Variants in ABHD12 observed in about 807,000 individuals in gnomAD.
The protein encoded by ABHD12 is abhydrolase domain containing 12, lysophospholipase.
In ABHD12, 43 loss-of-function variants were observed where a neutral mutation model predicts 58.3. That is an observed-to-expected ratio of 0.74 (90% CI 0.58 to 0.95). The LOEUF is 0.95. Ranked by LOEUF, ABHD12 falls within the 40% of genes least tolerant of loss-of-function variation. The probability of loss-of-function intolerance (pLI) is 0.00; values close to 1 mark genes in which losing one functional copy is unlikely to be tolerated. For missense variants in ABHD12, 539 were observed against 537.2 expected (o/e 1.00, Z -0.03); for synonymous variants, 219 against 211.2 (o/e 1.04, Z -0.32).
chr20:25,327,250 C>T (rs965604056), intron 2 of ABHD12, among the ~76,000 whole-genome samples: 2 of 152,150 alleles, frequency 1.3e-5, no homozygotes, highest in Non-Finnish European at 2.9e-5. Context: ...GGGCAGATCA[C>T]GAGGTCAGGA....
chr20:25,361,626 A>G (rs2089749122), intron 1 of ABHD12, among the ~76,000 whole-genome samples: 1 of 152,238 alleles, frequency 6.6e-6, no homozygotes, highest in Non-Finnish European at 1.5e-5. Flanking sequence ...TATATAAGAA[A>G]GCTATCAGTT....
intron 5 of ABHD12, 21 bp downstream of exon 5, chr20:25,317,027 G>A (rs371100301): frequency 4.3e-6 from 7 of 1,611,294 alleles, no homozygotes; most frequent in Non-Finnish European, 5.9e-6. Context: ...GGGAACAGGT[G>A]TGGGTGCTGC....
chr20:25,377,125 T>C (rs2089971063), intron 1 of ABHD12, among the ~76,000 whole-genome samples: 1 of 152,190 alleles, frequency 6.6e-6, no homozygotes, highest in African/African-American at 2.4e-5. Flanking sequence ...CCAGCTGGCC[T>C]GTACTGGCCT....
chr20:25,328,051 C>T (rs2089205845), intron 2 of ABHD12, among the ~76,000 whole-genome samples: 1 of 151,978 alleles, frequency 6.6e-6, no homozygotes, highest in South Asian at 2.1e-4. Context: ...AAACTCTGAT[C>T]CCTGAATGCT....
intron 1 of ABHD12, among the ~76,000 whole-genome samples, chr20:25,346,997 T>C (rs2089528516): frequency 6.6e-6 from 1 of 152,080 alleles, no homozygotes; most frequent in African/African-American, 2.4e-5. Context: ...CTCATAGCTG[T>C]CAAGTGTCTT....
chr20:25,332,220 T>G (rs1423658087), intron 2 of ABHD12, among the ~76,000 whole-genome samples: 1 of 151,794 alleles, frequency 6.6e-6, no homozygotes, highest in Non-Finnish European at 1.5e-5. Flanking sequence ...GGCCATTACT[T>G]AATGGTAAAG....
chr20:25,373,928 T>G (rs548303907), intron 1 of ABHD12, among the ~76,000 whole-genome samples: 3 of 152,130 alleles, frequency 2.0e-5, no homozygotes, highest in Non-Finnish European at 4.4e-5. Context: ...AGTGATGCAT[T>G]TATTTATTTA....
chr20:25,326,426 A>G (rs1274675209), intron 2 of ABHD12, among the ~76,000 whole-genome samples: 1 of 152,178 alleles, frequency 6.6e-6, no homozygotes, highest in Admixed American at 6.5e-5. Flanking sequence ...TCACTTTCTA[A>G]TAGGCCCAGG....
chr20:25,338,668 C>T (rs1245233466), intron 2 of ABHD12, among the ~76,000 whole-genome samples: 1 of 152,164 alleles, frequency 6.6e-6, no homozygotes, highest in East Asian at 1.9e-4. Context: ...CAAAATTCCA[C>T]AGAAACCAAA....
intron 1 of ABHD12, among the ~76,000 whole-genome samples, chr20:25,385,593 C>A (rs971658417): frequency 6.6e-6 from 1 of 151,978 alleles, no homozygotes; most frequent in Non-Finnish European, 1.5e-5. Context: ...TGCCTATAAT[C>A]CCAATACTTT....
intron 1 of ABHD12, among the ~76,000 whole-genome samples, chr20:25,355,797 T>C (rs1383687291): frequency 6.6e-6 from 1 of 152,206 alleles, no homozygotes; most frequent in Non-Finnish European, 1.5e-5. Context: ...GATCTCGTGA[T>C]CCACCGGCCT....
chr20:25,340,298 T>A (rs1481460152), intron 1 of ABHD12, among the ~76,000 whole-genome samples: 1 of 152,222 alleles, frequency 6.6e-6, no homozygotes, highest in Non-Finnish European at 1.5e-5. Flanking sequence ...ATACAAAAAA[T>A]TTTAGTGAGA....
At chr20:25,375,387 A>G (rs1467586315) in intron 1 of ABHD12, among the ~76,000 whole-genome samples, 1 of 152,184 alleles carries the variant, frequency 6.6e-6, no homozygotes, top group Non-Finnish European at 1.5e-5. Context: ...CAGGGACTGT[A>G]TCTTCTGATC....
intron 3 of ABHD12, among the ~76,000 whole-genome samples, chr20:25,321,095 C>G (rs1033557380): frequency 6.6e-6 from 1 of 152,220 alleles, no homozygotes; most frequent in African/African-American, 2.4e-5. Context: ...TCTTAAGCTT[C>G]AGCATCTCAT....
chr20:25,360,227 C>CTTTGTTT (rs2089726715), intron 1 of ABHD12, among the ~76,000 whole-genome samples: 1 of 37,394 alleles, frequency 2.7e-5, no homozygotes, highest in Non-Finnish European at 4.7e-5. Flanking sequence ...GAACACGTTA[C>CTTTGTTT]TTTTTTTTTT....
intron 12 of ABHD12, chr20:25,295,075 G>A (rs1300687064): frequency 1.4e-5 from 22 of 1,583,192 alleles, no homozygotes; most frequent in East Asian, 4.5e-5. Context: ...TCTGCATTTC[G>A]TGAAGTGTGC....
At chr20:25,331,977 G>T (rs970875992) in intron 2 of ABHD12, among the ~76,000 whole-genome samples, 4 of 152,022 alleles carry the variant, frequency 2.6e-5, no homozygotes, top group African/African-American at 9.7e-5. Context: ...AATGTAAATG[G>T]ACTAAATGCT....
chr20:25,339,024 A>G (rs1028901738), intron 2 of ABHD12: 14 of 1,358,992 alleles, frequency 1.0e-5, no homozygotes, highest in Non-Finnish European at 1.3e-5. Flanking sequence ...TAATAAAAGC[A>G]TTCTAGTTCT....
At chr20:25,295,280 C>G (rs932801781), downstream of ABHD12, among the ~76,000 whole-genome samples, 1 of 152,264 alleles carries the variant, frequency 6.6e-6, no homozygotes, top group East Asian at 1.9e-4. Flanking sequence ...CCACTGTCTG[C>G]CCAGGAGGCC....
Sources: gnomAD v4.1 joint callset for allele counts (sites outside exome capture counted in the v4.1 genomes callset) on GRCh38, gnomAD v4.1.1 for gene constraint, MANE v1.5 for transcripts, NCBI Gene and HGNC (gene_info 2026-07-23, HGNC 2026-07-21) for gene names.